Variants in ADCY1 observed in about 807,000 individuals in gnomAD.
ADCY1 encodes the protein adenylate cyclase type 1.
In ADCY1, 28 loss-of-function variants were observed where a neutral mutation model predicts 105.4. The observed-to-expected ratio is 0.27, with a 90% CI of 0.20 to 0.36. The LOEUF (loss-of-function observed/expected upper bound fraction) is 0.36, where lower values mean the gene tolerates loss of function less well. ADCY1 is among the 10% of genes least tolerant of loss of function. The pLI, the probability that ADCY1 is intolerant of heterozygous loss-of-function variation, is 1.00. For missense variants in ADCY1, 977 were observed against 1,434.2 expected (o/e 0.68, Z 5.15); for synonymous variants, 655 against 623.8 (o/e 1.05, Z -0.75).
chr7:45,628,637 C>T (rs947969551), intron 4 of ADCY1, among the ~76,000 whole-genome samples: 13 of 152,220 alleles, frequency 8.5e-5, no homozygotes, highest in African/African-American at 2.6e-4. Flanking sequence ...GAAGAGTTCT[C>T]GAATATGTGT....
At chr7:45,712,014 AT>A (rs1785264113) in intron 19 of ADCY1, among the ~76,000 whole-genome samples, 1 of 112,642 alleles carries the variant, frequency 8.9e-6, no homozygotes, top group African/African-American at 4.0e-5. Flanking sequence ...TTAAATATAT[AT>A]TTTATATATT....
intron 19 of ADCY1, among the ~76,000 whole-genome samples, chr7:45,711,920 TA>T (rs1274510431): frequency 2.0e-5 from 2 of 102,210 alleles, no homozygotes; most frequent in East Asian, 2.7e-4. Context: ...ATAAATATAT[TA>T]TATATTATAT....
Position 45,710,263 on chromosome 7 carries a change from A to G in ADCY1, c.2933-265A>G, listed in dbSNP as rs956331890. Among the ~76,000 whole-genome samples, 1 of 152,140 alleles carries G rather than the reference A, an allele frequency of 6.6e-6. No homozygotes were observed. The highest frequency in any genetic ancestry group is 1.5e-5 in the Non-Finnish European group (1 of 68,016). On this transcript the variant is annotated intron_variant, in intron 18 of 19. Transcript: ENST00000297323. This position sits in a 1 kb window ranked among gnomAD's most constrained non-coding sequence, Gnocchi z 4.7. ...TTATTTAGGATCAGGACTCGTTTTGAACAGCCAGTGCTGTTCCCCAGTGCA... is the reference window on the plus strand; with the variant it reads ...TTATTTAGGATCAGGACTCGTTTTGGACAGCCAGTGCTGTTCCCCAGTGCA...
At chr7:45,680,610 T>C (rs982862488) in intron 11 of ADCY1, 4 of 152,250 alleles carry the variant, frequency 2.6e-5, no homozygotes, top group African/African-American at 7.2e-5. Context: ...ATAGGTAATA[T>C]CTTGAGTTTT....
intron 1 of ADCY1, among the ~76,000 whole-genome samples, chr7:45,578,055 C>T (rs1012552525): frequency 6.6e-6 from 1 of 152,226 alleles, no homozygotes; most frequent in African/African-American, 2.4e-5. Context: ...TTCTGGTGCA[C>T]AGGGCTCTGG....
At chr7:45,712,346 C>G (rs1785277463) in intron 19 of ADCY1, among the ~76,000 whole-genome samples, 1 of 150,950 alleles carries the variant, frequency 6.6e-6, no homozygotes, top group Non-Finnish European at 1.5e-5. Flanking sequence ...GGGAGAACTT[C>G]ATGGGAGCCC....
chr7:45,608,254 A>T (rs1019105082), intron 2 of ADCY1, among the ~76,000 whole-genome samples: 7 of 152,240 alleles, frequency 4.6e-5, no homozygotes, highest in African/African-American at 1.4e-4. Context: ...TCTTTTGAGA[A>T]GTGACTGTTC....
chr7:45,665,472 T>C (rs994362831), intron 8 of ADCY1, among the ~76,000 whole-genome samples: 1 of 152,260 alleles, frequency 6.6e-6, no homozygotes, highest in Non-Finnish European at 1.5e-5. Context: ...TCTCCTCTAA[T>C]AGGTACACCC....
chr7:45,597,628 C>T (rs924218531), intron 2 of ADCY1, among the ~76,000 whole-genome samples: 1 of 152,196 alleles, frequency 6.6e-6, no homozygotes, highest in Non-Finnish European at 1.5e-5. Context: ...CTGCGGGTGC[C>T]CTGCAGAATC....
chr7:45,652,265 G>T (rs1226826438), intron 5 of ADCY1, among the ~76,000 whole-genome samples: 1 of 152,206 alleles, frequency 6.6e-6, no homozygotes, highest in African/African-American at 2.4e-5. Context: ...ATGAGATTTG[G>T]GTGGGGACGT....
intron 2 of ADCY1, among the ~76,000 whole-genome samples, chr7:45,605,986 A>G (rs1469201818): frequency 6.6e-6 from 1 of 152,130 alleles, no homozygotes; most frequent in Admixed American, 6.5e-5. Flanking sequence ...CTGGTTGGGA[A>G]AGGGGGGTTG....
At chr7:45,597,694 G>C (rs1253792634) in intron 2 of ADCY1, among the ~76,000 whole-genome samples, 2 of 152,140 alleles carry the variant, frequency 1.3e-5, no homozygotes, top group African/African-American at 4.8e-5. Flanking sequence ...AGTCTCAAGG[G>C]GTGAGGCTTC....
intron 1 of ADCY1, among the ~76,000 whole-genome samples, chr7:45,581,000 C>T (rs973347057): frequency 6.6e-6 from 1 of 152,186 alleles, no homozygotes; most frequent in Admixed American, 6.5e-5. Flanking sequence ...CAGGTTCCTG[C>T]AGATGCCCAG....
intron 14 of ADCY1, among the ~76,000 whole-genome samples, chr7:45,698,930 C>T (rs184092911): frequency 1.8e-4 from 27 of 152,280 alleles, no homozygotes; most frequent in African/African-American, 4.8e-4. Context: ...TCACTGCAGC[C>T]GCTGAATTGA....
At chr7:45,586,001 GC>G (rs1293920404) in intron 1 of ADCY1, among the ~76,000 whole-genome samples, 2 of 152,118 alleles carry the variant, frequency 1.3e-5, no homozygotes, top group Non-Finnish European at 2.9e-5. Context: ...CACGTGGGGA[GC>G]GGACTGTCTT....
In ADCY1 at chr7:45,714,208, C is replaced by G; in HGVS notation, c.*213C>G. 1 of 582,202 alleles carries G rather than the reference C, an allele frequency of 1.7e-6. No homozygotes were observed. 36.1% of individuals were successfully genotyped at this position (582,202 alleles called of 1,614,324 possible). On this transcript the variant is annotated 3_prime_UTR_variant, in exon 20 of 20. Coordinates refer to ENST00000297323, the MANE Select transcript of ADCY1 (RefSeq NM_021116.4). ...GCAGTGACTCGGTGAGGGGAGGACA[C>G]CCGACTGTGCACACTTCCAGGCCTC... is the stretch of plus-strand genomic sequence containing the variant.
intron 14 of ADCY1, among the ~76,000 whole-genome samples, chr7:45,696,660 AGT>A (rs1474729729): frequency 6.6e-6 from 1 of 152,094 alleles, no homozygotes; most frequent in East Asian, 1.9e-4. Context: ...TCAGCTTCAG[AGT>A]GCTCCCCCGT....
intron 11 of ADCY1, chr7:45,684,778 T>C (rs930367368): frequency 2.9e-5 from 14 of 483,188 alleles, no homozygotes; most frequent in African/African-American, 2.5e-4. Flanking sequence ...TTCAGGTTTC[T>C]TTTTTTAACT....
intron 4 of ADCY1, among the ~76,000 whole-genome samples, chr7:45,632,418 T>TTAAC (rs1359833823): frequency 6.6e-6 from 1 of 152,228 alleles, no homozygotes; most frequent in African/African-American, 2.4e-5. Flanking sequence ...CTTCGGAGGA[T>TTAAC]TAACATTTAA....
Sources: gnomAD v4.1 joint callset for allele counts (sites outside exome capture counted in the v4.1 genomes callset) on GRCh38, gnomAD v4.1.1 for gene constraint, Gnocchi (gnomAD v3.1) non-coding constraint, MANE v1.5 for transcripts, NCBI Gene and HGNC (gene_info 2026-07-23, HGNC 2026-07-21) for gene names.